STIM1: variants seen among roughly 807,000 people sequenced by gnomAD.
The protein encoded by STIM1 is stromal interaction molecule 1.
Under a neutral mutation model 74.7 loss-of-function variants are expected in STIM1, and 25 were observed. The observed-to-expected ratio is 0.33, with a 90% CI of 0.24 to 0.47. The LOEUF is 0.47. Among genes scored for constraint, STIM1 ranks in the 20% least tolerant of loss-of-function variants. The probability of loss-of-function intolerance (pLI) is 1.00; values close to 1 mark genes in which losing one functional copy is unlikely to be tolerated. For missense variants in STIM1, 728 were observed against 920.8 expected (o/e 0.79, Z 2.71); for synonymous variants, 328 against 348.8 (o/e 0.94, Z 0.66).
At chr11:3,890,664 C>T (rs544995422) in intron 1 of STIM1, among the ~76,000 whole-genome samples, 108 of 152,150 alleles carry the variant, frequency 7.1e-4, no homozygotes, top group African/African-American at 2.5e-3. Context: ...GCCGAGATCA[C>T]GCCACTGCAC....
chr11:3,927,052 T>C (rs2092797616), intron 1 of STIM1, among the ~76,000 whole-genome samples: 1 of 152,222 alleles, frequency 6.6e-6, no homozygotes, highest in Non-Finnish European at 1.5e-5. Context: ...AAAAATTAGT[T>C]AATCCATATT....
intron 11 of STIM1, among the ~76,000 whole-genome samples, chr11:4,085,870 C>T (rs916333911): frequency 6.6e-6 from 1 of 152,168 alleles, no homozygotes; most frequent in Non-Finnish European, 1.5e-5. Flanking sequence ...TCCTTTTTCC[C>T]CTCTGAACAT....
intron 3 of STIM1, among the ~76,000 whole-genome samples, chr11:4,044,135 T>G (rs755375425): frequency 6.6e-6 from 1 of 152,124 alleles, no homozygotes; most frequent in Non-Finnish European, 1.5e-5. Flanking sequence ...TGTTTGTCAT[T>G]TTGCCCAGAG....
At chr11:4,052,077 C>G (rs926904911) in intron 3 of STIM1, among the ~76,000 whole-genome samples, 1 of 152,130 alleles carries the variant, frequency 6.6e-6, no homozygotes, top group Non-Finnish European at 1.5e-5. Flanking sequence ...TCAAGGAGAA[C>G]TACAAACCAC....
chr11:4,083,255 G>A lies in STIM1; in HGVS notation c.1239-8G>A, dbSNP rs2094474602. The A allele has an allele frequency of 3.1e-6, 5 of 1,613,698 alleles. No homozygotes were observed. The highest frequency in any genetic ancestry group is 1.3e-5 in the African/African-American group (1 of 74,934). On this transcript the variant is annotated splice_polypyrimidine_tract_variant and splice_region_variant and intron_variant, in intron 9 of 12. Transcript: ENST00000526596. Reference sequence around the variant, plus strand: ...CCATGCCTGCAGTTCTCTTTCCTCTGTCTTCAGGCAAGCACTGAGCGAGGT... The same window carrying A: ...CCATGCCTGCAGTTCTCTTTCCTCTATCTTCAGGCAAGCACTGAGCGAGGT...
At chr11:4,045,922 ATGC>A in intron 3 of STIM1, among the ~76,000 whole-genome samples, 1 of 142,860 alleles carries the variant, frequency 7.0e-6, no homozygotes, top group South Asian at 2.2e-4. Flanking sequence ...ACGTGACACC[ATGC>A]CCAGCTAATT....
intron 1 of STIM1, among the ~76,000 whole-genome samples, chr11:3,947,100 GT>G (rs57701004): frequency 0.037 from 5,166 of 139,354 alleles, 195 homozygotes; most frequent in East Asian, 0.18. Flanking sequence ...CATTCTTAGT[GT>G]TTTTTTTTTT....
At chr11:3,976,825 C>T (rs748582244) in intron 2 of STIM1, among the ~76,000 whole-genome samples, 6 of 150,792 alleles carry the variant, frequency 4.0e-5, no homozygotes, top group Non-Finnish European at 7.4e-5. Context: ...GATGGAGTCT[C>T]ACTCTGTCAC....
intron 2 of STIM1, among the ~76,000 whole-genome samples, chr11:3,976,520 G>A (rs185883160): frequency 1.3e-5 from 2 of 152,260 alleles, no homozygotes; most frequent in African/African-American, 4.8e-5. Flanking sequence ...GGAACTATGC[G>A]CCAAAAAGTT....
intron 2 of STIM1, among the ~76,000 whole-genome samples, chr11:4,011,204 C>T (rs1332254954): frequency 3.3e-5 from 5 of 152,164 alleles, no homozygotes; most frequent in Non-Finnish European, 7.3e-5. Flanking sequence ...TTTATAGTAT[C>T]ATGATTTATA....
intron 2 of STIM1, among the ~76,000 whole-genome samples, chr11:4,004,697 C>CAACAATGA (rs753759641): frequency 0.025 from 3,797 of 151,166 alleles, 120 homozygotes; most frequent in African/African-American, 0.082. Context: ...ATGTCTAAAA[C>CAACAATGA]ACCAAAAGCA....
At chr11:3,891,072 G>A (rs1255311771) in intron 1 of STIM1, among the ~76,000 whole-genome samples, 1 of 152,092 alleles carries the variant, frequency 6.6e-6, no homozygotes, top group Non-Finnish European at 1.5e-5. Context: ...GATAAGAAAT[G>A]TATGTTGAAT....
intron 1 of STIM1, among the ~76,000 whole-genome samples, chr11:3,902,803 C>T (rs1355397054): frequency 6.6e-6 from 1 of 152,136 alleles, no homozygotes; most frequent in Non-Finnish European, 1.5e-5. Flanking sequence ...TAATTTCTGG[C>T]CAGCTGAAGG....
chr11:3,973,069 T>C, intron 2 of STIM1: 2 of 444,270 alleles, frequency 4.5e-6, no homozygotes, highest in East Asian at 1.2e-4. Context: ...GCCACTGCCC[T>C]GATTTCCATA....
intron 1 of STIM1, chr11:3,892,544 C>A: frequency 6.3e-7 from 1 of 1,598,502 alleles, no homozygotes; most frequent in Non-Finnish European, 8.6e-7. Context: ...CTTGGCAGTG[C>A]AGATGAAAAA....
chr11:3,941,618 CAT>C (rs1422798798), intron 1 of STIM1, among the ~76,000 whole-genome samples: 18 of 90,030 alleles, frequency 2.0e-4, no homozygotes, highest in African/African-American at 3.3e-4. Context: ...TGTGTGTATA[CAT>C]ATATATATAT....
intron 2 of STIM1, among the ~76,000 whole-genome samples, chr11:4,002,191 T>C (rs1482159853): frequency 9.4e-5 from 14 of 148,696 alleles, no homozygotes; most frequent in African/African-American, 2.7e-4. Flanking sequence ...GACAGAAAGT[T>C]AACAAGGATA....
At chr11:3,870,019 A>G (rs2091022146) in intron 1 of STIM1, among the ~76,000 whole-genome samples, 2 of 152,188 alleles carry the variant, frequency 1.3e-5, no homozygotes, top group African/African-American at 4.8e-5. Flanking sequence ...AAGGAGGGTC[A>G]GTGCTAGGGG....
chr11:3,869,708 A>G (rs973163663), intron 1 of STIM1, among the ~76,000 whole-genome samples: 5 of 152,216 alleles, frequency 3.3e-5, no homozygotes, highest in Non-Finnish European at 5.9e-5. Flanking sequence ...TAGTCCTTGC[A>G]CGTTTTGACA....
Sources: gnomAD v4.1 joint callset for allele counts (sites outside exome capture counted in the v4.1 genomes callset) on GRCh38, gnomAD v4.1.1 for gene constraint, MANE v1.5 for transcripts, NCBI Gene and HGNC (gene_info 2026-07-23, HGNC 2026-07-21) for gene names.